Variants in CLDN14 observed in about 807,000 individuals in gnomAD.
The protein encoded by CLDN14 is claudin-14.
CLDN14 carries 2 observed loss-of-function variants against 2.1 expected under a neutral mutation model. That is an observed-to-expected ratio of 0.96 (90% CI 0.39 to 3.01). CLDN14 has a LOEUF of 3.01. Among genes scored for constraint, CLDN14 ranks in the 30% most tolerant of loss-of-function variants. The pLI is 0.09. For synonymous variants in CLDN14, 136 were observed against 154.4 expected (o/e 0.88, Z 0.88); for missense variants, 298 against 328.0 (o/e 0.91, Z 0.71).
At chr21:36,478,320 G>A (rs547257436) in intron 1 of CLDN14, among the ~76,000 whole-genome samples, 1 of 152,194 alleles carries the variant, frequency 6.6e-6, no homozygotes, top group Non-Finnish European at 1.5e-5. Flanking sequence ...AAGGATGGGG[G>A]CTGGCGCTGG....
rs142773739 is a variant in CLDN14 at position 36,533,263 on chromosome 21, T to A, written c.-219-22763A>T. Among the ~76,000 whole-genome samples, 407 of 152,320 alleles carry A rather than the reference T, an allele frequency of 2.7e-3. 5 individuals carry two copies. Among genetic ancestry groups the A allele is most frequent in the African/African-American group, 9.4e-3 (391 of 41,572 alleles). On this transcript the variant is annotated intron_variant, in intron 1 of 2. Coordinates refer to the CLDN14 transcript ENST00000342108. ...CCAGGCAGAGAGTGGCTGGATGGTC[T>A]GCACGGGCAGGGGATGCTCTGGACA...
chr21:36,524,433 T>C (rs2087307358), intron 1 of CLDN14, among the ~76,000 whole-genome samples: 1 of 152,162 alleles, frequency 6.6e-6, no homozygotes, highest in South Asian at 2.1e-4. Context: ...GCCTCAGACT[T>C]TAACCTGCAC....
At chr21:36,562,747 G>C (rs1271375952) in intron 1 of CLDN14, among the ~76,000 whole-genome samples, 1 of 151,838 alleles carries the variant, frequency 6.6e-6, no homozygotes, top group Non-Finnish European at 1.5e-5. Flanking sequence ...TTCCCGCCTG[G>C]GGAATAGGCA....
chr21:36,465,796 G>A (rs190003115), intron 1 of CLDN14, among the ~76,000 whole-genome samples: 2 of 152,282 alleles, frequency 1.3e-5, no homozygotes, highest in East Asian at 1.9e-4. Context: ...AGAGAGATAC[G>A]GATCCAAAAC....
At chr21:36,535,636 A>G (rs2087418137) in intron 1 of CLDN14, among the ~76,000 whole-genome samples, 1 of 152,152 alleles carries the variant, frequency 6.6e-6, no homozygotes, top group Admixed American at 6.5e-5. Flanking sequence ...TAGAAAGGAG[A>G]TGAACAGGTG....
chr21:36,490,542 C>T (rs758427581), intron 2 of CLDN14, among the ~76,000 whole-genome samples: 6 of 151,950 alleles, frequency 3.9e-5, no homozygotes, highest in Admixed American at 1.3e-4. Flanking sequence ...GTGTGCACCA[C>T]CATTCCAGGC....
intron 1 of CLDN14, among the ~76,000 whole-genome samples, chr21:36,465,460 G>C (rs1374724379): frequency 6.6e-6 from 1 of 152,178 alleles, no homozygotes; most frequent in East Asian, 1.9e-4. Flanking sequence ...CCAACTCCCA[G>C]ACACAAGCTC....
At chr21:36,528,716 G>C (rs780478643) in intron 1 of CLDN14, among the ~76,000 whole-genome samples, 11 of 152,254 alleles carry the variant, frequency 7.2e-5, no homozygotes, top group Non-Finnish European at 1.3e-4. Flanking sequence ...CAGGCTGGCT[G>C]CTCGCAAGTT....
chr21:36,501,131 C>T (rs377458860), intron 2 of CLDN14, among the ~76,000 whole-genome samples: 8 of 152,300 alleles, frequency 5.3e-5, no homozygotes, highest in African/African-American at 1.4e-4. Context: ...CCTCATCTTT[C>T]CTTCTCTGCC....
At chr21:36,529,977 C>A (rs2087366399) in intron 1 of CLDN14, among the ~76,000 whole-genome samples, 1 of 152,188 alleles carries the variant, frequency 6.6e-6, no homozygotes, top group Non-Finnish European at 1.5e-5. Context: ...CCTGAGCGGG[C>A]ACCTGCTGGG....
chr21:36,465,098 C>T (rs1365688959), intron 1 of CLDN14, among the ~76,000 whole-genome samples: 2 of 152,168 alleles, frequency 1.3e-5, no homozygotes, highest in Non-Finnish European at 2.9e-5. Context: ...CCCAAGGAAA[C>T]CAGGACCAGA....
chr21:36,494,879 T>G (rs938988402), intron 2 of CLDN14, among the ~76,000 whole-genome samples: 72 of 152,308 alleles, frequency 4.7e-4, no homozygotes, highest in African/African-American at 1.7e-3. Context: ...AATACAATGA[T>G]TCTGCTCAAG....
chr21:36,523,773 GAGAAAGAGAGAAAGAA>G lies in CLDN14; in HGVS notation c.-219-13289_-219-13274del, dbSNP rs2087294638. Among the ~76,000 whole-genome samples, 5 of 15,690 alleles carry G rather than the reference GAGAAAGAGAGAAAGAA, an allele frequency of 3.2e-4. 1 individual carries two copies. Among genetic ancestry groups the G allele is most frequent in the East Asian group, 9.8e-4 (1 of 1,024 alleles). 10.3% of individuals were successfully genotyped at this position (15,690 alleles called of 152,430 possible). On this transcript the variant is annotated intron_variant, in intron 1 of 2. Transcript: ENST00000342108. Reference sequence around the variant, plus strand: ...AAAAAAAAAAAAAAAGAAAGAAAGAGAGAAAGAGAGAAAGAAAGAAAGAAAGAAAGAAAGAAAGAAA... The same window carrying G: ...AAAAAAAAAAAAAAAGAAAGAAAGAGAGAAAGAAAGAAAGAAAGAAAGAAA...
At chr21:36,525,339 A>G (rs73206248) in intron 1 of CLDN14, among the ~76,000 whole-genome samples, 4,966 of 151,944 alleles carry the variant, frequency 0.033, 111 homozygotes, top group Non-Finnish European at 0.05. Context: ...CGCCATGCTG[A>G]GTCTTGAAGG....
chr21:36,461,416 C>T lies in CLDN14; in HGVS notation c.280G>A (p.Ala94Thr), dbSNP rs758724049. ...MVISCLLSGIACACAVIGMKC... is the reference protein window; with the variant it reads ...MVISCLLSGITCACAVIGMKC... Reference sequence around the variant, plus strand: ...ATCCCGATGACGGCGCAGGCGCAGGCTATGCCCGAGAGCAGGCAGGAGATG... The same window carrying T: ...ATCCCGATGACGGCGCAGGCGCAGGTTATGCCCGAGAGCAGGCAGGAGATG... The change falls in exon 2 of 2, where the codon GCC becomes ACC. Residue 94 changes from alanine (A) to threonine (T), a missense_variant. Coordinates refer to ENST00000399135, the MANE Select transcript of CLDN14 (RefSeq NM_001146079.2). The T allele has an allele frequency of 6.2e-7, 1 of 1,613,178 alleles. No individual in the cohort carries two copies. The highest frequency in any genetic ancestry group is 8.5e-7 in the Non-Finnish European group (1 of 1,179,998).
intron 1 of CLDN14, among the ~76,000 whole-genome samples, chr21:36,462,123 G>A (rs1484748311): frequency 6.6e-6 from 1 of 152,200 alleles, no homozygotes; most frequent in Non-Finnish European, 1.5e-5. Context: ...AAATCAACAT[G>A]TATTATTCAT....
chr21:36,503,611 A>C (rs1472650733), intron 2 of CLDN14, among the ~76,000 whole-genome samples: 1 of 152,156 alleles, frequency 6.6e-6, no homozygotes, highest in Admixed American at 6.5e-5. Flanking sequence ...TGGAACTATG[A>C]GTTTTCCATG....
intron 1 of CLDN14, among the ~76,000 whole-genome samples, chr21:36,514,618 AGAAAGTGTGTGTGTGTGTGTGT>A (rs2087211828): frequency 1.5e-5 from 2 of 135,192 alleles, no homozygotes; most frequent in African/African-American, 6.1e-5. Context: ...TTATCGTGAG[AGAAAGTGTGTGTGTGTGTGTGT>A]GTGTGTGTGT....
chr21:36,531,029 G>A (rs932681855), intron 1 of CLDN14, among the ~76,000 whole-genome samples: 3 of 152,090 alleles, frequency 2.0e-5, no homozygotes, highest in Non-Finnish European at 4.4e-5. Context: ...TCAGGAGTTC[G>A]AGATCAGCCT....
Sources: allele counts gnomAD v4.1 joint callset (sites outside exome capture counted in the v4.1 genomes callset), GRCh38; gene constraint gnomAD v4.1.1; transcripts MANE v1.5; gene names NCBI Gene and HGNC (gene_info 2026-07-23, HGNC 2026-07-21).